Variants in SOS1 observed in about 807,000 individuals in gnomAD.
SOS1 encodes the protein SOS Ras/Rac guanine nucleotide exchange factor 1, also known as son of sevenless homolog 1.
In SOS1, 25 loss-of-function variants were observed where a neutral mutation model predicts 157.6. The observed-to-expected ratio is 0.16, with a 90% CI of 0.12 to 0.22. The LOEUF (loss-of-function observed/expected upper bound fraction) is 0.22. Among genes scored for constraint, SOS1 ranks in the 10% least tolerant of loss-of-function variants. The pLI is 1.00. For synonymous variants in SOS1, 528 were observed against 534.0 expected (o/e 0.99, Z 0.16); for missense variants, 1,237 against 1,599.1 (o/e 0.77, Z 3.86).
intron 2 of SOS1, among the ~76,000 whole-genome samples, chr2:39,059,201 C>A: frequency 6.6e-6 from 1 of 152,116 alleles, no homozygotes; most frequent in East Asian, 1.9e-4. Context: ...TAATTACATG[C>A]AGCATTTTTC....
intron 17 of SOS1, among the ~76,000 whole-genome samples, chr2:39,002,140 A>G (rs996192540): frequency 1.3e-5 from 2 of 152,148 alleles, no homozygotes; most frequent in Non-Finnish European, 2.9e-5. Flanking sequence ...AGCCTGGCCA[A>G]CATGGTGAAA....
chr2:39,120,230 G>T, intron 1 of SOS1, 106 bp downstream of exon 1: 2 of 1,023,150 alleles, frequency 2.0e-6, no homozygotes, highest in South Asian at 1.9e-5. Context: ...GACGCGGCGA[G>T]ACCGGGAAGA....
Position 38,986,196 on chromosome 2 carries a change from G to A in SOS1, c.3630C>T (p.Ser1210=), listed in dbSNP as rs773359982. Residue 1210 remains serine, a synonymous_variant, in exon 23 of 23, where the codon AGC becomes AGT. Coordinates refer to ENST00000402219, the MANE Select transcript of SOS1 (RefSeq NM_005633.4). ...GTTCTCGTGGTGGTAATAAGGGAGG[G>A]CTTTCAGGAGGGTCTGAGATAGAGG... ...DRTSISDPPE[S]PPLLPPREPV... 3 of 1,613,930 alleles carry A rather than the reference G, an allele frequency of 1.9e-6. No individual in the cohort carries two copies. In the South Asian group the frequency reaches 3.3e-5, roughly 18 times the overall value.
chr2:39,054,483 T>A, intron 5 of SOS1, 131 bp downstream of exon 5: 1 of 633,638 alleles, frequency 1.6e-6, no homozygotes, highest in South Asian at 1.9e-5. Flanking sequence ...AACTTTGTGA[T>A]CATGAATTAA....
Position 39,013,967 on chromosome 2 carries a change from G to C in SOS1, c.1963C>G (p.Pro655Ala), listed in dbSNP as rs2124518554. 6.2e-7 allele frequency: 1 copy of C among 1,604,746 alleles called. No homozygotes were observed. Among genetic ancestry groups the C allele is most frequent in the African/African-American group, 1.3e-5 (1 of 74,778 alleles). The change falls in exon 12 of 23, where the codon CCA (proline) becomes GCA (alanine). Residue 655 changes from proline (P) to alanine (A), a missense_variant. This residue lies in a region of SOS1 where 55 missense variants were observed against 43.1 expected (regional missense o/e 1.27). Coordinates refer to ENST00000402219, the MANE Select transcript of SOS1 (RefSeq NM_005633.4). Reference protein sequence around the residue: ...IERFEIPEPEPTEADRIAIEN... With the variant: ...IERFEIPEPEATEADRIAIEN... Reference sequence around the variant, plus strand: ...ATAGCTATGCGATCAGCTTCTGTTGGCTCAGGCTCTGGAATTTCAAACCTA... The same window carrying C: ...ATAGCTATGCGATCAGCTTCTGTTGCCTCAGGCTCTGGAATTTCAAACCTA...
At position 39,028,592 on chromosome 2, in the gene SOS1, T is replaced by C. The variant is rs72918719; in HGVS notation, c.1075-4455A>G. 4.6e-3 allele frequency among the ~76,000 whole-genome samples: 706 copies of C among 152,326 alleles called. 3 individuals are homozygous for C. Among genetic ancestry groups the C allele is most frequent in the African/African-American group, 0.016 (664 of 41,570 alleles). Reference sequence around the variant, plus strand: ...CAGGCAGGTACTAGATCCACAATTCTTGACTTTCAGTCCCGTGACTTTTCA... The same window carrying C: ...CAGGCAGGTACTAGATCCACAATTCCTGACTTTCAGTCCCGTGACTTTTCA... On this transcript the variant is annotated intron_variant, in intron 8 of 22. Transcript: ENST00000402219.
chr2:39,031,207 C>G (rs1399642102), intron 8 of SOS1, among the ~76,000 whole-genome samples: 1 of 152,248 alleles, frequency 6.6e-6, no homozygotes, highest in Middle Eastern at 3.4e-3. Flanking sequence ...AGACTTCAAC[C>G]TGAATTTTAA....
intron 15 of SOS1, chr2:39,007,474 A>T: frequency 2.6e-6 from 1 of 378,792 alleles, no homozygotes; most frequent in Non-Finnish European, 4.8e-6. Context: ...TGAGGCCACT[A>T]TCTTGTGGAA....
At position 39,120,764 on chromosome 2, in the gene SOS1, G is replaced by A. The variant is rs1408662337; in HGVS notation, c.-342C>T. ...CCGCGGCCGCCGCCCGCCCGCCGGG[G>A]CTGCACTCCCGGGCCCGGTCTGGCC... On this transcript the variant is annotated 5_prime_UTR_variant, in exon 1 of 23. Coordinates refer to ENST00000402219, the MANE Select transcript of SOS1 (RefSeq NM_005633.4). Among the ~76,000 whole-genome samples the A allele has an allele frequency of 1.4e-5, 2 of 148,132 alleles. No homozygotes were observed. The highest frequency in any genetic ancestry group is 3.0e-5 in the Non-Finnish European group (2 of 66,756).
At chr2:39,102,530 CAAAA>C (rs70954782) in intron 1 of SOS1, among the ~76,000 whole-genome samples, 6 of 50,604 alleles carry the variant, frequency 1.2e-4, no homozygotes, top group Admixed American at 3.7e-4. Context: ...GACTCCATCT[CAAAA>C]AAAAAAAAAA....
At chr2:39,103,567 G>C (rs967872775) in intron 1 of SOS1, among the ~76,000 whole-genome samples, 2 of 152,164 alleles carry the variant, frequency 1.3e-5, no homozygotes, top group African/African-American at 4.8e-5. Context: ...AACAAATGGT[G>C]CTGGGACAAC....
chr2:39,044,084 C>T (rs1417535394), intron 6 of SOS1, among the ~76,000 whole-genome samples: 2 of 152,138 alleles, frequency 1.3e-5, no homozygotes, highest in Admixed American at 6.5e-5. Flanking sequence ...AGGCCTGGTA[C>T]GGTGGCTCAC....
intron 1 of SOS1, among the ~76,000 whole-genome samples, chr2:39,117,098 G>T (rs1233892727): frequency 6.8e-6 from 1 of 148,034 alleles, no homozygotes; most frequent in South Asian, 2.1e-4. Flanking sequence ...GTGCAATCTC[G>T]CCCCACTGCA....
intron 1 of SOS1, among the ~76,000 whole-genome samples, chr2:39,088,244 A>T (rs1258862844): frequency 2.9e-5 from 3 of 102,584 alleles, no homozygotes; most frequent in Admixed American, 2.2e-4. Context: ...CTTTTTTTTT[A>T]AATGCAGGAT....
chr2:39,116,802 G>C (rs528861187), intron 1 of SOS1, among the ~76,000 whole-genome samples: 26 of 152,290 alleles, frequency 1.7e-4, no homozygotes, highest in African/African-American at 6.3e-4. Context: ...AGTGAGCCAA[G>C]ATCGCACCAC....
At chr2:39,084,403 A>G (rs776921970) in intron 1 of SOS1, among the ~76,000 whole-genome samples, 1 of 152,210 alleles carries the variant, frequency 6.6e-6, no homozygotes, top group Non-Finnish European at 1.5e-5. Context: ...AATTAAGTAT[A>G]TATTTATACA....
intron 1 of SOS1, among the ~76,000 whole-genome samples, chr2:39,086,156 G>C (rs1316927798): frequency 6.6e-6 from 1 of 152,160 alleles, no homozygotes; most frequent in Non-Finnish European, 1.5e-5. Context: ...TACTAAATGG[G>C]TGCCTAAGTT....
rs527908636 is a variant in SOS1 at position 39,116,267 on chromosome 2, A to G, written c.87+4069T>C. ...CCTAAGAGCTTCTCCTACATTCTCT[A>G]TCCTGACTAAAGACAATCAAGTCAG... On this transcript the variant is annotated intron_variant, in intron 1 of 22. Transcript: ENST00000402219. Among the ~76,000 whole-genome samples, 3 of 152,330 alleles carry G rather than the reference A, an allele frequency of 2.0e-5. No individual in the cohort carries two copies. In the South Asian group the frequency reaches 6.2e-4, roughly 32 times the overall value.
At chr2:39,103,450 G>A (rs147216472) in intron 1 of SOS1, among the ~76,000 whole-genome samples, 5 of 152,158 alleles carry the variant, frequency 3.3e-5, no homozygotes, top group African/African-American at 1.2e-4. Flanking sequence ...AAAAAGCATA[G>A]ACATATAGAC....
Sources: allele counts gnomAD v4.1 joint callset (sites outside exome capture counted in the v4.1 genomes callset), GRCh38; gene constraint gnomAD v4.1.1; regional missense constraint gnomAD v4.1.1; transcripts MANE v1.5; gene names NCBI Gene and HGNC (gene_info 2026-07-23, HGNC 2026-07-21).